The following STAT5B variants were observed in gnomAD, a reference collection of about 807,000 sequenced individuals.
The protein encoded by STAT5B is transcription factor STAT5B.
A neutral mutation model predicts 107.8 loss-of-function variants in STAT5B; 21 were observed. The observed-to-expected ratio is 0.19, with a 90% confidence interval of 0.14 to 0.28. The LOEUF (loss-of-function observed/expected upper bound fraction) is 0.28. STAT5B is among the 10% of genes least tolerant of loss of function. STAT5B has a pLI of 1.00. For synonymous variants in STAT5B, 325 were observed against 401.7 expected, an observed-to-expected ratio of 0.81 and a Z score of 2.28; for missense variants, 565 against 1,008.2, an observed-to-expected ratio of 0.56 and a Z score of 5.95.
At chr17:42,228,360 G>A (rs2080291311) in intron 2 of STAT5B, among the ~76,000 whole-genome samples, 1 of 152,270 alleles carries the variant, frequency 6.6e-6, no homozygotes, top group Middle Eastern at 3.4e-3. Flanking sequence ...ACTGGTGACG[G>A]GGGTTGGATG....
In STAT5B at chr17:42,215,852, C is replaced by T. The variant is rs573209516; in HGVS notation, c.1473+162G>A. On this transcript the variant is annotated intron_variant, in intron 12 of 18. Transcript: ENST00000293328. ...GGCCAGGCTGGTCTCGAACTCCTGA[C>T]CTCAGGTGATCCAACCGCCTCGGCC... Among the ~76,000 whole-genome samples, 8 of 152,222 alleles carry T rather than the reference C, an allele frequency of 5.3e-5. No homozygotes were observed. In the South Asian group the frequency reaches 1.5e-3, roughly 28 times the overall value.
At chr17:42,201,949 T>TCTGAGCCAGCCTATGCCCTCAGC (rs2080047829) in intron 18 of STAT5B, 85 bp from the exon 19 acceptor site, 2 of 1,348,628 alleles carry the variant, frequency 1.5e-6, no homozygotes, top group Non-Finnish European at 2.1e-6. Context: ...AGGGGAGCAG[T>TCTGAGCCAGCCTATGCCCTCAGC]CTGAGCCAGC....
intron 1 of STAT5B, among the ~76,000 whole-genome samples, chr17:42,264,307 C>T (rs993872690): frequency 2.6e-5 from 4 of 151,602 alleles, no homozygotes; most frequent in Non-Finnish European, 4.4e-5. Flanking sequence ...GCTGCACCCA[C>T]TAACTCGTCA....
intron 5 of STAT5B, among the ~76,000 whole-genome samples, chr17:42,220,153 C>A (rs1174375890): frequency 1.3e-5 from 2 of 152,226 alleles, no homozygotes; most frequent in Admixed American, 6.5e-5. Context: ...CCTCTTCTCG[C>A]GGCCCAGCAT....
chr17:42,287,598 G>A, the STAT5B span: 2 of 152,358 alleles, frequency 1.3e-5, no homozygotes, highest in African/African-American at 4.8e-5. Flanking sequence ...TCGAAGTTAG[G>A]AGGACTCAAG....
At chr17:42,286,718 G>T in the STAT5B span, among the ~76,000 whole-genome samples, 1 of 152,152 alleles carries the variant, frequency 6.6e-6, no homozygotes, top group Admixed American at 6.5e-5. Context: ...AAAACCTGAG[G>T]AATCTGCTCC....
In STAT5B at chr17:42,201,069, A is replaced by G. The variant is rs1193881480; in HGVS notation, c.*669T>C. 3 of 403,208 alleles carry G rather than the reference A, an allele frequency of 7.4e-6. No homozygotes were observed. The highest frequency in any genetic ancestry group is 6.2e-5 in the African/African-American group (3 of 48,676). The allele number at this position is 403,208 out of a possible 1,614,324, so 25.0% of individuals were successfully genotyped here. On this transcript the variant is annotated 3_prime_UTR_variant, in exon 19 of 19. Transcript: ENST00000293328. ...GGAGGGGAGAGAGGACAAAGAGAGAATAAGATGAGCTAAATGTTTTGTGAA... is the reference window on the plus strand; with the variant it reads ...GGAGGGGAGAGAGGACAAAGAGAGAGTAAGATGAGCTAAATGTTTTGTGAA...
At chr17:42,281,777 A>G in the STAT5B span, among the ~76,000 whole-genome samples, 1 of 152,206 alleles carries the variant, frequency 6.6e-6, no homozygotes, top group Non-Finnish European at 1.5e-5. Context: ...GGAAAGGCCA[A>G]GGATCCCCCG....
intron 3 of STAT5B, among the ~76,000 whole-genome samples, chr17:42,227,136 AAAATAAATAAAT>A (rs68033349): frequency 7.6e-6 from 1 of 132,222 alleles, no homozygotes; most frequent in South Asian, 2.5e-4. Flanking sequence ...CTCCGTCTCA[AAAATAAATAAAT>A]AAATAAATAA....
At chr17:42,272,219 GC>G (rs2080726944) in intron 1 of STAT5B, 1 of 152,120 alleles carries the variant, frequency 6.6e-6, no homozygotes, top group African/African-American at 2.4e-5. Flanking sequence ...TTCCTCCTGA[GC>G]TCTAATACCA....
chr17:42,268,714 G>C (rs145233204), intron 1 of STAT5B: 229 of 152,114 alleles, frequency 1.5e-3, no homozygotes, highest in African/African-American at 5.3e-3. Flanking sequence ...CAAATTCACA[G>C]GGTGAACTGT....
chr17:42,230,235 T>G (rs2080306635), intron 2 of STAT5B, among the ~76,000 whole-genome samples: 1 of 152,180 alleles, frequency 6.6e-6, no homozygotes, highest in Non-Finnish European at 1.5e-5. Context: ...TGAACAGAAA[T>G]TTGCTACTAA....
chr17:42,242,073 C>T (rs1294074103), intron 1 of STAT5B, among the ~76,000 whole-genome samples: 1 of 152,030 alleles, frequency 6.6e-6, no homozygotes, highest in East Asian at 1.9e-4. Flanking sequence ...GACAATCCGC[C>T]ATTAATCTTT....
intron 12 of STAT5B, among the ~76,000 whole-genome samples, chr17:42,214,053 G>C (rs1254839911): frequency 3.3e-5 from 5 of 151,702 alleles, no homozygotes; most frequent in African/African-American, 7.3e-5. Flanking sequence ...TGAGGCAGGA[G>C]AATCGCTTGA....
chr17:42,233,584 G>A (rs899485217), intron 1 of STAT5B, among the ~76,000 whole-genome samples: 3 of 151,440 alleles, frequency 2.0e-5, no homozygotes, highest in African/African-American at 4.9e-5. Flanking sequence ...CCCGCCTCCC[G>A]GGTTCACGCC....
intron 18 of STAT5B, 160 bp from the exon 19 acceptor site, chr17:42,202,024 A>G: frequency 1.4e-6 from 1 of 699,324 alleles, no homozygotes; most frequent in Non-Finnish European, 2.5e-6. Context: ...CTGTACAGCA[A>G]CTCAGACTGA....
intron 1 of STAT5B, chr17:42,234,934 G>A (rs1345952867): frequency 6.6e-6 from 1 of 152,220 alleles, no homozygotes; most frequent in Admixed American, 6.5e-5. Context: ...AGTGATAAAA[G>A]AATGAAGAGA....
chr17:42,210,334 G>C (rs1357565549), intron 14 of STAT5B, 33 bp from the exon 15 acceptor site: 3 of 1,614,192 alleles, frequency 1.9e-6, no homozygotes, highest in Non-Finnish European at 2.5e-6. Flanking sequence ...CAGAAGCAGA[G>C]TGTGACTTAC....
rs755540830 is a variant in STAT5B, at chr17:42,207,522, CACAA to C, written c.2077+32_2077+35del. 934 of 1,529,552 alleles carry C rather than the reference CACAA, an allele frequency of 6.1e-4. 5 individuals are homozygous for C. The African/African-American group carries it at 0.021, about 34-fold the overall frequency. The allele number at this position is 1,529,552 out of a possible 1,614,324, so 94.7% of individuals were successfully genotyped here. ...ACACACACACACACACACACACACA[CACAA>C]CAAAATCAAATCAGAATGCGAACAT... On this transcript the variant is annotated intron_variant, in intron 16 of 18. Coordinates refer to ENST00000293328, the MANE Select transcript of STAT5B (RefSeq NM_012448.4).
Sources: allele counts gnomAD v4.1 joint callset (sites outside exome capture counted in the v4.1 genomes callset), GRCh38; gene constraint gnomAD v4.1.1; transcripts MANE v1.5; gene names NCBI Gene and HGNC (gene_info 2026-07-23, HGNC 2026-07-21).